The following PBX3 variants were observed in gnomAD, a reference collection of about 807,000 sequenced individuals.
PBX3 encodes pre-B-cell leukemia transcription factor 3.
PBX3 carries 14 observed loss-of-function variants against 48.5 expected under a neutral mutation model. That is an observed-to-expected ratio of 0.29 (90% CI 0.19 to 0.45). The LOEUF is 0.45. Ranked by LOEUF, PBX3 falls within the 20% of genes least tolerant of loss-of-function variation. The pLI is 1.00. For missense variants in PBX3, 386 were observed against 546.7 expected, an observed-to-expected ratio of 0.71 and a Z score of 2.93; for synonymous variants, 210 against 200.3, an observed-to-expected ratio of 1.05 and a Z score of -0.41.
At chr9:125,805,371 G>A (rs73667068) in intron 2 of PBX3, among the ~76,000 whole-genome samples, 4,073 of 152,262 alleles carry the variant, frequency 0.027, 211 homozygotes, top group African/African-American at 0.092. Flanking sequence ...TCTGGGCAGA[G>A]TGAGGAATTT....
intron 2 of PBX3, chr9:125,843,635 G>A (rs1839345500): frequency 3.9e-6 from 1 of 254,246 alleles, no homozygotes; most frequent in African/African-American, 2.3e-5. Context: ...CTTGACAACA[G>A]TCCCGAAAGA....
At chr9:125,889,151 A>G (rs1215363179) in intron 2 of PBX3, among the ~76,000 whole-genome samples, 3 of 152,222 alleles carry the variant, frequency 2.0e-5, no homozygotes, top group African/African-American at 7.2e-5. Flanking sequence ...TAGCATCCCC[A>G]GGAACGTAGG....
intron 4 of PBX3, 109 bp downstream of exon 4, chr9:125,929,954 G>A: frequency 1.3e-6 from 1 of 792,578 alleles, no homozygotes; most frequent in Non-Finnish European, 2.1e-6. Context: ...GGCCATATGA[G>A]TCTTTTGTAC....
At chr9:125,886,724 A>G (rs1381678448) in intron 2 of PBX3, among the ~76,000 whole-genome samples, 1 of 152,170 alleles carries the variant, frequency 6.6e-6, no homozygotes, top group African/African-American at 2.4e-5. Flanking sequence ...TGGTCCTACA[A>G]TTAAGACAGA....
At chr9:125,803,627 G>A (rs1361429119) in intron 2 of PBX3, among the ~76,000 whole-genome samples, 2 of 152,104 alleles carry the variant, frequency 1.3e-5, no homozygotes, top group Non-Finnish European at 2.9e-5. Flanking sequence ...AAGTTATACT[G>A]TTTTGGCAGG....
intron 2 of PBX3, among the ~76,000 whole-genome samples, chr9:125,835,051 A>AAAAAAAAAAAAAAAAAAAAAAAAAAT (rs1564681272): frequency 9.3e-6 from 1 of 108,002 alleles, no homozygotes. Context: ...AAAAAAAAAA[A>AAAAAAAAAAAAAAAAAAAAAAAAAAT]GGGCAAAAGA....
chr9:125,748,478 A>G, intron 1 of PBX3, 72 bp from the exon 2 acceptor site: 2 of 1,574,604 alleles, frequency 1.3e-6, no homozygotes, highest in Admixed American at 3.4e-5. Flanking sequence ...TCTTGGGTCT[A>G]ACTTAAAGGA....
intron 2 of PBX3, among the ~76,000 whole-genome samples, chr9:125,781,080 C>T (rs1837292798): frequency 6.7e-6 from 1 of 148,296 alleles, no homozygotes; most frequent in Admixed American, 6.8e-5. Context: ...AGACGATGGG[C>T]AGCCAGGCAG....
At chr9:125,889,899 C>CCCTT (rs1840598188) in intron 2 of PBX3, among the ~76,000 whole-genome samples, 1 of 149,170 alleles carries the variant, frequency 6.7e-6, no homozygotes, top group African/African-American at 2.4e-5. Flanking sequence ...CCCGGCGCGC[C>CCCTT]CCGAAAGCCG....
chr9:125,747,996 C>T (rs1352135413), intron 1 of PBX3, among the ~76,000 whole-genome samples: 3 of 151,586 alleles, frequency 2.0e-5, no homozygotes, highest in Admixed American at 6.6e-5. Context: ...GTGTAACTTT[C>T]TCCTCCGGCG....
At chr9:125,762,499 A>G (rs1006187278) in intron 2 of PBX3, among the ~76,000 whole-genome samples, 3 of 152,104 alleles carry the variant, frequency 2.0e-5, no homozygotes, top group Non-Finnish European at 4.4e-5. Flanking sequence ...TTTCTTTGCT[A>G]TATTTGCATT....
At chr9:125,884,288 C>T (rs186274269) in intron 2 of PBX3, among the ~76,000 whole-genome samples, 1 of 152,234 alleles carries the variant, frequency 6.6e-6, no homozygotes, top group Non-Finnish European at 1.5e-5. Context: ...AGTTCAAGTG[C>T]CAAAATGTTG....
chr9:125,860,884 C>CAAAAAAAAAAAAAAAA, intron 2 of PBX3, among the ~76,000 whole-genome samples: 1 of 99,124 alleles, frequency 1.0e-5, no homozygotes, highest in Non-Finnish European at 2.1e-5. Context: ...AAGACTCTGT[C>CAAAAAAAAAAAAAAAA]AAAAAAAAAA....
intron 5 of PBX3, among the ~76,000 whole-genome samples, chr9:125,959,250 A>G (rs1842374539): frequency 6.6e-6 from 1 of 152,264 alleles, no homozygotes; most frequent in Non-Finnish European, 1.5e-5. Flanking sequence ...GGGGGAAAAA[A>G]TGATGGTAGA....
intron 2 of PBX3, among the ~76,000 whole-genome samples, chr9:125,878,122 C>T (rs749904857): frequency 6.6e-6 from 1 of 152,256 alleles, no homozygotes; most frequent in Non-Finnish European, 1.5e-5. Context: ...GAAATGGAAT[C>T]TCTTTTATCA....
At chr9:125,884,673 A>C (rs1840457260) in intron 2 of PBX3, among the ~76,000 whole-genome samples, 1 of 152,216 alleles carries the variant, frequency 6.6e-6, no homozygotes, top group African/African-American at 2.4e-5. Context: ...AAAATTTTAA[A>C]TCATTCACAC....
At chr9:125,774,001 G>C (rs963246627) in intron 2 of PBX3, among the ~76,000 whole-genome samples, 24 of 152,112 alleles carry the variant, frequency 1.6e-4, no homozygotes, top group Non-Finnish European at 2.6e-4. Flanking sequence ...CTATTAGTCT[G>C]TTCTGGCACT....
intron 2 of PBX3, among the ~76,000 whole-genome samples, chr9:125,858,706 A>G (rs995607255): frequency 6.8e-6 from 1 of 147,388 alleles, no homozygotes; most frequent in African/African-American, 2.5e-5. Flanking sequence ...GCTCACTGCA[A>G]CCTCCGCCTC....
At chr9:125,941,929 G>C (rs1841966431) in intron 5 of PBX3, among the ~76,000 whole-genome samples, 1 of 152,112 alleles carries the variant, frequency 6.6e-6, no homozygotes, top group African/African-American at 2.4e-5. Context: ...TTTTTAGAAT[G>C]AAAAATGTTA....
Sources: gnomAD v4.1 joint callset for allele counts (sites outside exome capture counted in the v4.1 genomes callset) on GRCh38, gnomAD v4.1.1 for gene constraint, MANE v1.5 for transcripts, NCBI Gene and HGNC (gene_info 2026-07-23, HGNC 2026-07-21) for gene names.